Variants in HYAL4 observed in about 807,000 individuals in gnomAD.
The protein encoded by HYAL4 is hyaluronidase 4, also known as hyaluronidase-4.
A neutral mutation model predicts 35.2 loss-of-function variants in HYAL4; 37 were observed. That is an observed-to-expected ratio of 1.05 (90% confidence interval 0.81 to 1.38). HYAL4 has a LOEUF of 1.38. Ranked by LOEUF, HYAL4 falls within the 40% of genes most tolerant of loss-of-function variation. The pLI, the probability that HYAL4 is intolerant of heterozygous loss-of-function variation, is 0.00. For synonymous variants in HYAL4, 198 were observed against 203.2 expected (o/e 0.97, Z 0.22); for missense variants, 572 against 572.4 (o/e 1.00, Z 0.01).
the HYAL4 span, among the ~76,000 whole-genome samples, chr7:123,796,761 A>T: frequency 6.6e-6 from 1 of 152,246 alleles, no homozygotes; most frequent in Non-Finnish European, 1.5e-5. Flanking sequence ...GCCATGAAAA[A>T]GAATGAAGTG....
the HYAL4 span, among the ~76,000 whole-genome samples, chr7:123,777,437 T>C: frequency 6.6e-6 from 1 of 152,190 alleles, no homozygotes; most frequent in Non-Finnish European, 1.5e-5. Flanking sequence ...TAATAGAAAA[T>C]TAAAAATTAT....
chr7:123,771,062 A>G, the HYAL4 span, among the ~76,000 whole-genome samples: 1 of 152,172 alleles, frequency 6.6e-6, no homozygotes, highest in Admixed American at 6.5e-5. Flanking sequence ...GTTTTAGAAG[A>G]AGATAAAAAG....
chr7:123,789,874 C>T, the HYAL4 span, among the ~76,000 whole-genome samples: 1 of 151,826 alleles, frequency 6.6e-6, no homozygotes, highest in East Asian at 1.9e-4. Context: ...AGATTGAGAG[C>T]CAGAGCGAGA....
the HYAL4 span, among the ~76,000 whole-genome samples, chr7:123,804,444 T>TA: frequency 2.0e-5 from 3 of 152,352 alleles, no homozygotes; most frequent in East Asian, 5.8e-4. Flanking sequence ...GGAAAAATAT[T>TA]ACTTTTTGAG....
At chr7:123,847,342 A>T (rs1357501878) in intron 1 of HYAL4, among the ~76,000 whole-genome samples, 1 of 152,148 alleles carries the variant, frequency 6.6e-6, no homozygotes, top group African/African-American at 2.4e-5. Flanking sequence ...GACACAGTAA[A>T]TAAATACACA....
chr7:123,789,435 G>A, the HYAL4 span, among the ~76,000 whole-genome samples: 1 of 152,118 alleles, frequency 6.6e-6, no homozygotes, highest in African/African-American at 2.4e-5. Context: ...CTTGAACAAT[G>A]ACATACACTC....
chr7:123,808,317 A>G, the HYAL4 span, among the ~76,000 whole-genome samples: 3 of 152,102 alleles, frequency 2.0e-5, no homozygotes, highest in Non-Finnish European at 4.4e-5. Flanking sequence ...TTCCCTGATA[A>G]GACTTGCTAT....
intron 1 of HYAL4, among the ~76,000 whole-genome samples, chr7:123,830,196 G>A (rs895781877): frequency 2.0e-5 from 3 of 152,176 alleles, no homozygotes; most frequent in African/African-American, 4.8e-5. Flanking sequence ...TGGACTTCCA[G>A]ACTGTAATAC....
chr7:123,774,666 A>G, the HYAL4 span, among the ~76,000 whole-genome samples: 1 of 152,132 alleles, frequency 6.6e-6, no homozygotes. Flanking sequence ...TTCCATTACG[A>G]TAAAGTCCAG....
At chr7:123,806,815 G>C in the HYAL4 span, among the ~76,000 whole-genome samples, 2 of 151,954 alleles carry the variant, frequency 1.3e-5, no homozygotes, top group Non-Finnish European at 2.9e-5. Flanking sequence ...CAGTGGCCAG[G>C]CTAGTAGCTG....
chr7:123,842,405 C>T (rs1225144402), upstream of HYAL4, among the ~76,000 whole-genome samples: 1 of 151,960 alleles, frequency 6.6e-6, no homozygotes, highest in Admixed American at 6.6e-5. Flanking sequence ...CTGAGGAGTG[C>T]TTTACTTCCA....
At chr7:123,787,001 G>A in the HYAL4 span, among the ~76,000 whole-genome samples, 3 of 151,390 alleles carry the variant, frequency 2.0e-5, no homozygotes, top group African/African-American at 4.9e-5. Context: ...ACCGCTACTT[G>A]GTAGGCTGAG....
At chr7:123,826,520 T>C (rs924914409), upstream of HYAL4, among the ~76,000 whole-genome samples, 5 of 152,160 alleles carry the variant, frequency 3.3e-5, no homozygotes, top group African/African-American at 9.7e-5. Flanking sequence ...GAAAATTACT[T>C]TGGATGTATT....
At chr7:123,808,418 C>CGT in the HYAL4 span, among the ~76,000 whole-genome samples, 22,378 of 142,424 alleles carry the variant, frequency 0.16, 1,738 homozygotes, top group Admixed American at 0.22. Context: ...TGTATCATCA[C>CGT]GTGTGTGTGT....
At chr7:123,768,295 A>G in the HYAL4 span, among the ~76,000 whole-genome samples, 1 of 152,192 alleles carries the variant, frequency 6.6e-6, no homozygotes, top group South Asian at 2.1e-4. Context: ...GATCTCAATA[A>G]TGTAAGCAAC....
the HYAL4 span, among the ~76,000 whole-genome samples, chr7:123,822,301 C>T: frequency 1.8e-4 from 27 of 152,132 alleles, no homozygotes; most frequent in East Asian, 2.1e-3. Context: ...TTATTTATGT[C>T]TCTTTTAACA....
At chr7:123,765,947 T>C in the HYAL4 span, among the ~76,000 whole-genome samples, 1 of 152,198 alleles carries the variant, frequency 6.6e-6, no homozygotes, top group African/African-American at 2.4e-5. Flanking sequence ...TATTATTGTT[T>C]TACTCTTCCT....
chr7:123,773,733 C>A, the HYAL4 span, among the ~76,000 whole-genome samples: 1 of 152,188 alleles, frequency 6.6e-6, no homozygotes, highest in Non-Finnish European at 1.5e-5. Context: ...ATTCCTCAAG[C>A]TCATGATTCA....
rs1187639866 is a variant in HYAL4, at chr7:123,870,168, A to G, written c.954+941A>G. On this transcript the variant is annotated intron_variant, in intron 3 of 4. Coordinates refer to ENST00000223026, the MANE Select transcript of HYAL4 (RefSeq NM_012269.3). ...CCACCATTACAAATTTCAACTCACC[A>G]ATATCTGTTAAAGACGTTCTGAGTT... 2.0e-5 allele frequency among the ~76,000 whole-genome samples: 3 copies of G among 152,350 alleles called. No homozygotes were observed. The East Asian group carries it at 5.8e-4, about 29-fold the overall frequency.
Sources: gnomAD v4.1 joint callset for allele counts (sites outside exome capture counted in the v4.1 genomes callset) on GRCh38, gnomAD v4.1.1 for gene constraint, MANE v1.5 for transcripts, NCBI Gene and HGNC (gene_info 2026-07-23, HGNC 2026-07-21) for gene names.